The following MMD2 variants were observed in gnomAD, a reference collection of about 807,000 sequenced individuals.
The protein encoded by MMD2 is monocyte to macrophage differentiation associated 2.
Under a neutral mutation model 33.5 loss-of-function variants are expected in MMD2, and 30 were observed. The ratio of observed to expected loss-of-function variants is 0.90; its 90% CI spans 0.67 to 1.22. The LOEUF (loss-of-function observed/expected upper bound fraction) is 1.22, where lower values mean the gene tolerates loss of function less well. Among genes scored for constraint, MMD2 ranks in the 50% most tolerant of loss-of-function variants. The probability of loss-of-function intolerance (pLI) is 0.00; values close to 1 mark genes in which losing one functional copy is unlikely to be tolerated. For missense variants in MMD2, 364 were observed against 325.4 expected (o/e 1.12, Z -0.91); for synonymous variants, 129 against 123.0 (o/e 1.05, Z -0.32).
At position 4,906,714 on chromosome 7, in the gene MMD2, G is replaced by A; in HGVS notation, c.*682C>T. On this transcript the variant is annotated 3_prime_UTR_variant, in exon 7 of 7. Coordinates refer to ENST00000401401, the MANE Select transcript of MMD2 (RefSeq NM_198403.4). ...AAAGGGAGGGGGAGATGAGGAGATA[G>A]GCATGCAAATGCCCATTTGGAGATT... The A allele has an allele frequency of 2.5e-6, 1 of 396,168 alleles. No homozygotes were observed. Among genetic ancestry groups the A allele is most frequent in the Non-Finnish European group, 4.4e-6 (1 of 225,042 alleles). The allele number at this position is 396,168 out of a possible 1,614,324, so 24.5% of individuals were successfully genotyped here.
At chr7:4,897,486 A>G in the MMD2 span, among the ~76,000 whole-genome samples, 1 of 152,230 alleles carries the variant, frequency 6.6e-6, no homozygotes, top group African/African-American at 2.4e-5. Flanking sequence ...ATAGGTCTAT[A>G]AAAGTGAATA....
intron 1 of MMD2, among the ~76,000 whole-genome samples, chr7:4,934,870 C>T (rs963840043): frequency 1.3e-5 from 2 of 152,094 alleles, no homozygotes; most frequent in African/African-American, 4.8e-5. Context: ...ATAATATTAC[C>T]TAGCCAGCAG....
chr7:4,920,182 C>T lies in MMD2; in HGVS notation c.279G>A (p.Lys93=). ...STVFHTISWK[K]SHLRMVEHCL... ...TGGGCGGGAGGCACCTGAGGTGGCT[C>T]TTCTTCCAGGAGATGGTGTGAAACA... is the stretch of plus-strand genomic sequence containing the variant. The change falls in exon 3 of 7, where the codon AAG becomes AAA. Residue 93 remains lysine (K), a synonymous_variant. Transcript: ENST00000401401. 1.9e-6 allele frequency: 3 copies of T among 1,562,912 alleles called. No homozygotes were observed. The highest frequency in any genetic ancestry group is 1.4e-5 in the African/African-American group (1 of 73,728).
chr7:4,923,041 T>C (rs1340066699), intron 2 of MMD2, among the ~76,000 whole-genome samples: 2 of 152,090 alleles, frequency 1.3e-5, no homozygotes, highest in South Asian at 2.1e-4. Flanking sequence ...AGATCATAAA[T>C]AGGTTTTTGT....
intron 1 of MMD2, among the ~76,000 whole-genome samples, chr7:4,932,304 G>A (rs1440811126): frequency 6.6e-6 from 1 of 152,126 alleles, no homozygotes; most frequent in Admixed American, 6.6e-5. Flanking sequence ...CCACCACCCT[G>A]AAGACCCGAG....
At chr7:4,945,448 A>C (rs535597045) in intron 1 of MMD2, among the ~76,000 whole-genome samples, 3 of 149,392 alleles carry the variant, frequency 2.0e-5, no homozygotes, top group Non-Finnish European at 4.4e-5. Context: ...TGTATATTTT[A>C]GTAGCGACGG....
chr7:4,936,456 G>A (rs1013985915), intron 1 of MMD2, among the ~76,000 whole-genome samples: 1 of 151,982 alleles, frequency 6.6e-6, no homozygotes, highest in African/African-American at 2.4e-5. Flanking sequence ...GGATTGGGTG[G>A]GAGATAAAGA....
chr7:4,929,537 T>G (rs1006354087), intron 1 of MMD2, among the ~76,000 whole-genome samples: 4 of 151,954 alleles, frequency 2.6e-5, no homozygotes, highest in Non-Finnish European at 4.4e-5. Context: ...AGTCTCTTTT[T>G]TTTTTGAGAC....
chr7:4,950,862 C>T (rs1786223855), intron 1 of MMD2, among the ~76,000 whole-genome samples: 1 of 151,928 alleles, frequency 6.6e-6, no homozygotes, highest in Non-Finnish European at 1.5e-5. Context: ...TACAGGCATG[C>T]ACCACCATGT....
In MMD2 at chr7:4,940,005, G is replaced by C. The variant is rs375646422; in HGVS notation, c.48-14473C>G. Among the ~76,000 whole-genome samples the C allele has an allele frequency of 3.3e-5, 5 of 152,304 alleles. No individual in the cohort carries two copies. In the South Asian group the frequency reaches 8.3e-4, roughly 25 times the overall value. ...AATCCATCTGCCTTGGCCTCCCAAA[G>C]CGCTGGCATTACAGGCGTGAGCCAC... is the stretch of plus-strand genomic sequence containing the variant. On this transcript the variant is annotated intron_variant, in intron 1 of 6. Coordinates refer to ENST00000401401, the MANE Select transcript of MMD2 (RefSeq NM_198403.4). This position sits in a 1 kb window ranked among gnomAD's most constrained non-coding sequence, Gnocchi z 5.0.
intron 1 of MMD2, among the ~76,000 whole-genome samples, chr7:4,947,262 G>C (rs921806632): frequency 1.3e-5 from 2 of 152,042 alleles, no homozygotes; most frequent in African/African-American, 4.8e-5. Context: ...GATTCTGCAG[G>C]CTGTACAGGA....
the MMD2 span, among the ~76,000 whole-genome samples, chr7:4,900,656 C>T: frequency 1.3e-5 from 2 of 152,054 alleles, no homozygotes; most frequent in East Asian, 1.9e-4. Flanking sequence ...CAACATGAGA[C>T]GGGATGGTAT....
the MMD2 span, among the ~76,000 whole-genome samples, chr7:4,896,070 C>A: frequency 3.3e-5 from 5 of 152,096 alleles, no homozygotes; most frequent in Admixed American, 2.6e-4. Flanking sequence ...GAGTAACAAA[C>A]GATGTTTTTG....
rs899292034 is a variant in MMD2 at position 4,940,367 on chromosome 7, CG to C, written c.48-14836del. On this transcript the variant is annotated intron_variant, in intron 1 of 6. Transcript: ENST00000401401. The surrounding 1 kb of genome is among the most constrained non-coding windows in gnomAD (Gnocchi z 5.0). ...GCCTGACCCCTTTCATGAATGAGCC[CG>C]GGCCCCGGAACGCGGCTGCAGCCAC... Among the ~76,000 whole-genome samples, 1 of 152,206 alleles carries C rather than the reference CG, an allele frequency of 6.6e-6. No homozygotes were observed.
At chr7:4,917,303 C>G (rs771873375) in intron 3 of MMD2, among the ~76,000 whole-genome samples, 1 of 152,086 alleles carries the variant, frequency 6.6e-6, no homozygotes, top group Admixed American at 6.6e-5. Context: ...CAACCTGACA[C>G]GGGGCTGTGG....
chr7:4,915,585 C>G (rs1343542935), intron 4 of MMD2, among the ~76,000 whole-genome samples: 1 of 151,576 alleles, frequency 6.6e-6, no homozygotes, highest in East Asian at 1.9e-4. Context: ...ACTAAAAATA[C>G]AAAAATTAGC....
chr7:4,911,759 C>T (rs998260060), intron 4 of MMD2, among the ~76,000 whole-genome samples: 1 of 152,022 alleles, frequency 6.6e-6, no homozygotes, highest in Non-Finnish European at 1.5e-5. Flanking sequence ...AGCGATTCTC[C>T]TGCCTCAGCC....
At chr7:4,945,553 G>A (rs112573033) in intron 1 of MMD2, among the ~76,000 whole-genome samples, 1 of 150,706 alleles carries the variant, frequency 6.6e-6, no homozygotes, top group Admixed American at 6.6e-5. Context: ...GGCATGAGCC[G>A]CCTCACCCAG....
intron 1 of MMD2, among the ~76,000 whole-genome samples, chr7:4,951,280 CTGCTTTTAAACCCTCAGT>C: frequency 6.6e-6 from 1 of 152,246 alleles, no homozygotes; most frequent in African/African-American, 2.4e-5. Flanking sequence ...GACGGTTTAA[CTGCTTTTAAACCCTCAGT>C]TTAAAAGCCC....
Sources: allele counts gnomAD v4.1 joint callset (sites outside exome capture counted in the v4.1 genomes callset), GRCh38; gene constraint gnomAD v4.1.1; non-coding constraint Gnocchi (gnomAD v3.1); transcripts MANE v1.5; gene names NCBI Gene and HGNC (gene_info 2026-07-23, HGNC 2026-07-21).